Variants in GABRB1 observed in about 807,000 individuals in gnomAD.
GABRB1 encodes the protein gamma-aminobutyric acid receptor subunit beta-1.
Under a neutral mutation model 51.6 loss-of-function variants are expected in GABRB1, and 17 were observed. That is an observed-to-expected ratio of 0.33 (90% CI 0.23 to 0.49). The LOEUF (loss-of-function observed/expected upper bound fraction) is 0.49, where lower values mean the gene tolerates loss of function less well. Among genes scored for constraint, GABRB1 ranks in the 20% least tolerant of loss-of-function variants. The pLI is 0.99. For synonymous variants in GABRB1, 247 were observed against 218.9 expected (o/e 1.13, Z -1.14); for missense variants, 410 against 600.6 (o/e 0.68, Z 3.32).
upstream of GABRB1, among the ~76,000 whole-genome samples, chr4:47,027,549 T>A (rs1725139580): frequency 6.7e-6 from 1 of 150,050 alleles, no homozygotes; most frequent in South Asian, 2.1e-4. Flanking sequence ...AACACAAGAA[T>A]TTTTTTTTAA....
intron 5 of GABRB1, among the ~76,000 whole-genome samples, chr4:47,333,221 T>C (rs956625857): frequency 4.3e-5 from 3 of 69,490 alleles, no homozygotes; most frequent in African/African-American, 1.1e-4. Context: ...TATATATATA[T>C]ATATATATAT....
intron 3 of GABRB1, among the ~76,000 whole-genome samples, chr4:47,157,068 T>A (rs915308947): frequency 1.3e-5 from 2 of 152,144 alleles, no homozygotes; most frequent in Non-Finnish European, 2.9e-5. Context: ...AGTCAAATTC[T>A]GTCATGCCTG....
At chr4:47,421,695 C>T (rs931396046) in intron 8 of GABRB1, among the ~76,000 whole-genome samples, 1 of 152,102 alleles carries the variant, frequency 6.6e-6, no homozygotes, top group Non-Finnish European at 1.5e-5. Flanking sequence ...AAACTCAATG[C>T]AAGGCCCACT....
intron 4 of GABRB1, among the ~76,000 whole-genome samples, chr4:47,270,044 C>G (rs957879039): frequency 2.6e-5 from 4 of 151,568 alleles, no homozygotes; most frequent in Admixed American, 6.6e-5. Context: ...CCTAATTGGT[C>G]AGTCTTTTGC....
chr4:47,157,046 CT>C (rs1326466906), intron 3 of GABRB1, among the ~76,000 whole-genome samples: 1 of 152,052 alleles, frequency 6.6e-6, no homozygotes, highest in Non-Finnish European at 1.5e-5. Flanking sequence ...TCTATCTTGC[CT>C]TTCCTCAATG....
At chr4:47,031,852 C>A (rs948286541) in intron 1 of GABRB1, 62 bp from the exon 2 acceptor site, 1 of 1,539,694 alleles carries the variant, frequency 6.5e-7, no homozygotes, top group African/African-American at 1.4e-5. Flanking sequence ...GTGCCTGTAT[C>A]TTTTTATATG....
intron 4 of GABRB1, among the ~76,000 whole-genome samples, chr4:47,311,023 T>C (rs187029557): frequency 1.7e-5 from 2 of 119,874 alleles, no homozygotes; most frequent in Non-Finnish European, 3.2e-5. Flanking sequence ...ATCGCACCAC[T>C]GCACTCCAAC....
At chr4:47,087,482 G>C (rs1048485972) in intron 3 of GABRB1, among the ~76,000 whole-genome samples, 2 of 152,076 alleles carry the variant, frequency 1.3e-5, no homozygotes, top group African/African-American at 2.4e-5. Flanking sequence ...ACACAGTGAG[G>C]AGGGTGCCTT....
chr4:47,360,767 G>A (rs1221974653), intron 5 of GABRB1, among the ~76,000 whole-genome samples: 1 of 152,062 alleles, frequency 6.6e-6, no homozygotes, highest in Non-Finnish European at 1.5e-5. Flanking sequence ...TATATAGAGA[G>A]TAAAGTGGAG....
chr4:47,195,384 G>A (rs1347212165), intron 4 of GABRB1, among the ~76,000 whole-genome samples: 3 of 45,218 alleles, frequency 6.6e-5, no homozygotes, highest in Non-Finnish European at 1.7e-4. Context: ...TAAATAGATA[G>A]ATAGATAGAT....
chr4:47,082,639 C>A (rs2109569662), intron 3 of GABRB1, among the ~76,000 whole-genome samples: 1 of 152,174 alleles, frequency 6.6e-6, no homozygotes, highest in Non-Finnish European at 1.5e-5. Context: ...TCTCACAAAT[C>A]TCCCAAACCT....
chr4:47,141,367 T>G (rs1297231608), intron 3 of GABRB1, among the ~76,000 whole-genome samples: 1 of 151,916 alleles, frequency 6.6e-6, no homozygotes, highest in African/African-American at 2.4e-5. Flanking sequence ...TCCCACATAA[T>G]TATAATTTCT....
At chr4:47,195,438 AGATAGATGATAGATAGATTAGAT>A (rs1258040042) in intron 4 of GABRB1, among the ~76,000 whole-genome samples, 74 of 110,034 alleles carry the variant, frequency 6.7e-4, no homozygotes, top group African/African-American at 9.1e-4. Flanking sequence ...ATAGATAGAT[AGATAGATGATAGATAGATTAGAT>A]GATAGATAGA....
rs144413357 is a variant in GABRB1 at position 47,069,895 on chromosome 4, G to A, written c.240+37411G>A. On this transcript the variant is annotated intron_variant, in intron 3 of 8. Coordinates refer to ENST00000295454, the MANE Select transcript of GABRB1 (RefSeq NM_000812.4). ...TTCAAGCCCACTGAAATTAGCCTCC[G>A]TTTCCGGTACTCCACCAGAACACCT... Among the ~76,000 whole-genome samples the A allele has an allele frequency of 4.0e-4, 61 of 151,930 alleles. 1 individual carries two copies. The highest frequency in any genetic ancestry group is 1.4e-3 in the African/African-American group (58 of 41,418).
chr4:47,360,197 C>T lies in GABRB1; in HGVS notation c.544+39988C>T, dbSNP rs543817677. Among the ~76,000 whole-genome samples the T allele has an allele frequency of 5.6e-4, 85 of 151,532 alleles. No individual in the cohort carries two copies. The South Asian group carries it at 0.015, about 26-fold the overall frequency. ...ATTCTGCTGGTGGAGTCTGTAGCTA[C>T]GGAGACATCTGTGATATGGGATAAG... On this transcript the variant is annotated intron_variant, in intron 5 of 8. Transcript: ENST00000295454.
intron 4 of GABRB1, among the ~76,000 whole-genome samples, chr4:47,287,233 G>C (rs750358349): frequency 2.0e-5 from 3 of 152,110 alleles, no homozygotes; most frequent in African/African-American, 7.2e-5. Flanking sequence ...AGCTTTCCCC[G>C]TATCTTTCCC....
chr4:47,116,512 T>C (rs569751198), intron 3 of GABRB1, among the ~76,000 whole-genome samples: 1 of 152,364 alleles, frequency 6.6e-6, no homozygotes, highest in East Asian at 1.9e-4. Context: ...TCTCTACTTA[T>C]CTAGTCTCCT....
At chr4:47,066,791 C>A (rs1283841795) in intron 3 of GABRB1, among the ~76,000 whole-genome samples, 2 of 152,162 alleles carry the variant, frequency 1.3e-5, no homozygotes, top group Non-Finnish European at 2.9e-5. Flanking sequence ...GAATCAACTT[C>A]TTCTAAACTC....
At chr4:47,013,574 C>T (rs1724648577) in intron 1 of GABRB1, among the ~76,000 whole-genome samples, 1 of 152,160 alleles carries the variant, frequency 6.6e-6, no homozygotes, top group Non-Finnish European at 1.5e-5. Flanking sequence ...GCTGTTTCAT[C>T]AGTTTATTTA....
Sources: allele counts gnomAD v4.1 joint callset (sites outside exome capture counted in the v4.1 genomes callset), GRCh38; gene constraint gnomAD v4.1.1; transcripts MANE v1.5; gene names NCBI Gene and HGNC (gene_info 2026-07-23, HGNC 2026-07-21).